Variants in SDHAF2 observed in about 807,000 individuals in gnomAD.
The protein encoded by SDHAF2 is succinate dehydrogenase assembly factor 2, mitochondrial.
Under a neutral mutation model 18.5 loss-of-function variants are expected in SDHAF2, and 21 were observed. The ratio of observed to expected loss-of-function variants is 1.13; its 90% CI spans 0.80 to 1.63. SDHAF2 has a LOEUF of 1.63. Among genes scored for constraint, SDHAF2 ranks in the 40% most tolerant of loss-of-function variants. The pLI is 0.00. For synonymous variants in SDHAF2, 84 were observed against 70.7 expected (o/e 1.19, Z -0.94); for missense variants, 195 against 200.3 (o/e 0.97, Z 0.16).
rs1171193932 is a variant in SDHAF2 at position 61,446,183 on chromosome 11, A to G, written c.*112A>G. ...ATGCCCAGCTGCCCTACCCCAGACC[A>G]CTGGTCCTGCCTCAAGTGATGGACA... On this transcript the variant is annotated 3_prime_UTR_variant, in exon 4 of 4. Transcript: ENST00000301761. The G allele has an allele frequency of 2.5e-6, 3 of 1,206,080 alleles. No individual in the cohort carries two copies. The highest frequency in any genetic ancestry group is 3.0e-5 in the African/African-American group (2 of 67,106). The allele number at this position is 1,206,080 out of a possible 1,614,324, so 74.7% of individuals were successfully genotyped here. A position where few individuals can be genotyped will look rare whatever the true frequency, so the allele number is the denominator to read the frequency against.
At chr11:61,441,962 C>G (rs1442794187) in intron 3 of SDHAF2, among the ~76,000 whole-genome samples, 3 of 150,790 alleles carry the variant, frequency 2.0e-5, no homozygotes, top group Non-Finnish European at 4.4e-5. Context: ...TGGCTCAGTG[C>G]AGGCTCCACC....
chr11:61,436,573 T>A (rs1861996518), intron 1 of SDHAF2, among the ~76,000 whole-genome samples: 1 of 152,208 alleles, frequency 6.6e-6, no homozygotes, highest in African/African-American at 2.4e-5. Flanking sequence ...TATACATACT[T>A]TTCAGTCTTC....
intron 1 of SDHAF2, chr11:61,437,050 A>G (rs1187323384): frequency 6.0e-6 from 7 of 1,171,148 alleles, no homozygotes; most frequent in Non-Finnish European, 7.5e-6. Context: ...GTTTCTGGAA[A>G]GGCACTGGTT....
chr11:61,437,493 C>G lies in SDHAF2; in HGVS notation c.37-132C>G. On this transcript the variant is annotated intron_variant, in intron 1 of 3. Coordinates refer to ENST00000301761, the MANE Select transcript of SDHAF2 (RefSeq NM_017841.4). Reference sequence around the variant, plus strand: ...CTGGGATTACAGGTGTGCGCCACCACGCCTGGCCAGCAGTGTAATTTCCTC... The same window carrying G: ...CTGGGATTACAGGTGTGCGCCACCAGGCCTGGCCAGCAGTGTAATTTCCTC... 3.5e-6 allele frequency: 3 copies of G among 859,726 alleles called. No individual in the cohort carries two copies. The South Asian group carries it at 4.0e-5, about 12-fold the overall frequency. 53.3% of individuals were successfully genotyped at this position (859,726 alleles called of 1,614,324 possible).
chr11:61,434,764 C>CT (rs1749449331), intron 1 of SDHAF2: 1 of 138,872 alleles, frequency 7.2e-6, no homozygotes, highest in Non-Finnish European at 1.5e-5. Flanking sequence ...GAGTCTCGCT[C>CT]TGTTGCCCAG....
At chr11:61,432,781 G>A (rs1400217879) in intron 1 of SDHAF2, 2 of 151,580 alleles carry the variant, frequency 1.3e-5, no homozygotes, top group Non-Finnish European at 2.9e-5. Context: ...TGGTTACCAT[G>A]TGGCTTATAT....
chr11:61,442,389 T>C (rs547417513), intron 3 of SDHAF2, among the ~76,000 whole-genome samples: 1 of 152,314 alleles, frequency 6.6e-6, no homozygotes, highest in Admixed American at 6.5e-5. Context: ...TTCCCTCCGG[T>C]GTTACCATGT....
intron 1 of SDHAF2, 45 bp downstream of exon 1, chr11:61,430,227 G>A (rs760982958): frequency 6.2e-7 from 1 of 1,613,062 alleles, no homozygotes; most frequent in Admixed American, 1.7e-5. Flanking sequence ...GCGGCAGCGG[G>A]GATTACCCTT....
At chr11:61,433,293 C>T (rs1413668360) in intron 1 of SDHAF2, 4 of 152,264 alleles carry the variant, frequency 2.6e-5, no homozygotes. Context: ...GCACCTCAGC[C>T]TCCCAAAGTG....
intron 1 of SDHAF2, 28 bp downstream of exon 1, chr11:61,430,210 G>A: frequency 5.0e-6 from 8 of 1,614,008 alleles, no homozygotes; most frequent in Non-Finnish European, 6.8e-6. Flanking sequence ...TCTAGCGTCC[G>A]GGGCGGGCGG....
chr11:61,430,263 G>A, intron 1 of SDHAF2, 81 bp downstream of exon 1: 1 of 1,579,706 alleles, frequency 6.3e-7, no homozygotes, highest in South Asian at 1.1e-5. Flanking sequence ...TCTCTATCTT[G>A]GGGAGAGTTC....
intron 3 of SDHAF2, among the ~76,000 whole-genome samples, chr11:61,439,469 C>T (rs1862037852): frequency 1.3e-5 from 2 of 152,180 alleles, no homozygotes. Context: ...TAGTCTATTC[C>T]ATCTGCCCAG....
chr11:61,434,167 T>A (rs900271632), intron 1 of SDHAF2: 2 of 150,090 alleles, frequency 1.3e-5, no homozygotes, highest in Non-Finnish European at 2.9e-5. Flanking sequence ...TCCCCAACTT[T>A]GGGGGTTTTT....
intron 1 of SDHAF2, chr11:61,437,018 A>C: frequency 8.5e-7 from 1 of 1,169,634 alleles, no homozygotes; most frequent in South Asian, 1.7e-5. Context: ...CAAAGGAAGG[A>C]AAAATTATTT....
rs937804564 is a variant in SDHAF2 at position 61,446,178 on chromosome 11, A to C, written c.*107A>C. On this transcript the variant is annotated 3_prime_UTR_variant, in exon 4 of 4. Transcript: ENST00000301761. ...CTTAGATGCCCAGCTGCCCTACCCC[A>C]GACCACTGGTCCTGCCTCAAGTGAT... 8.7e-6 allele frequency: 11 copies of C among 1,265,780 alleles called. No homozygotes were observed. In the African/African-American group the frequency reaches 1.6e-4, roughly 19 times the overall value. The allele number at this position is 1,265,780 out of a possible 1,614,324, so 78.4% of individuals were successfully genotyped here.
chr11:61,435,169 A>G (rs949746438), intron 1 of SDHAF2: 5 of 152,242 alleles, frequency 3.3e-5, no homozygotes, highest in Non-Finnish European at 7.3e-5. Context: ...GACATGAGCC[A>G]CCGTGCCTGG....
intron 3 of SDHAF2, among the ~76,000 whole-genome samples, chr11:61,440,487 G>C (rs985202003): frequency 6.6e-5 from 10 of 152,066 alleles, no homozygotes; most frequent in African/African-American, 2.2e-4. Context: ...TGTAGTCCCA[G>C]CTACTCGGGA....
At chr11:61,436,790 A>G in intron 1 of SDHAF2, 1 of 908,226 alleles carries the variant, frequency 1.1e-6, no homozygotes, top group Non-Finnish European at 1.6e-6. Flanking sequence ...CTGTTGGCTC[A>G]GTGTCTCCAT....
chr11:61,437,686 G>A lies in SDHAF2; in HGVS notation c.98G>A (p.Arg33His), dbSNP rs777442412. ...TTGCTCAGTGTGACATCATTCAGAC[G>A]CTTCTACAGAGGTGACAGCCCAACA... is the stretch of plus-strand genomic sequence containing the variant. Reference protein sequence around the residue: ...SPLLSVTSFRRFYRGDSPTDS... With the variant: ...SPLLSVTSFRHFYRGDSPTDS... The change falls in exon 2 of 4, where the codon CGC becomes CAC. Residue 33 changes from arginine to histidine, a missense_variant. Transcript: ENST00000301761. 1.1e-5 allele frequency: 17 copies of A among 1,614,040 alleles called. No individual in the cohort carries two copies. Among genetic ancestry groups the A allele is most frequent in the Non-Finnish European group, 1.4e-5 (16 of 1,180,030 alleles).
Sources: allele counts gnomAD v4.1 joint callset (sites outside exome capture counted in the v4.1 genomes callset), GRCh38; gene constraint gnomAD v4.1.1; transcripts MANE v1.5; gene names NCBI Gene and HGNC (gene_info 2026-07-23, HGNC 2026-07-21).